Variants in STXBP4 observed in about 807,000 individuals in gnomAD.
The protein encoded by STXBP4 is syntaxin binding protein 4, also known as syntaxin-binding protein 4.
Under a neutral mutation model 76.1 loss-of-function variants are expected in STXBP4, and 55 were observed. The ratio of observed to expected loss-of-function variants is 0.72; its 90% CI spans 0.58 to 0.91. The LOEUF (loss-of-function observed/expected upper bound fraction) is 0.91. Among genes scored for constraint, STXBP4 ranks in the 40% least tolerant of loss-of-function variants. The pLI is 0.00. For synonymous variants in STXBP4, 201 were observed against 220.2 expected, an observed-to-expected ratio of 0.91 and a Z score of 0.77; for missense variants, 618 against 636.9, an observed-to-expected ratio of 0.97 and a Z score of 0.32.
rs535905113 is a variant in STXBP4 at position 55,058,152 on chromosome 17, C to T, written c.1011+10998C>T. Among the ~76,000 whole-genome samples the T allele has an allele frequency of 9.8e-5, 15 of 152,306 alleles. 1 individual carries two copies. Among genetic ancestry groups the T allele is most frequent in the Middle Eastern group, 6.8e-3 (2 of 294 alleles). Reference sequence around the variant, plus strand: ...CACACTGTCTTCCACAATGGTTGAACTAATTTACACTCCCACCAACAGCGT... The same window carrying T: ...CACACTGTCTTCCACAATGGTTGAATTAATTTACACTCCCACCAACAGCGT... On this transcript the variant is annotated intron_variant, in intron 12 of 17. Coordinates refer to ENST00000376352, the MANE Select transcript of STXBP4 (RefSeq NM_178509.6).
rs146224072 is a variant in STXBP4, at chr17:55,156,608, G to A, written c.1548-3189G>A. On this transcript the variant is annotated intron_variant, in intron 17 of 17. Coordinates refer to ENST00000376352, the MANE Select transcript of STXBP4 (RefSeq NM_178509.6). The stretch of plus-strand genomic sequence containing the variant: ...GCACTGTGTCCCATTGGTTCTGGAC[G>A]TTTTAAACAAAGACCCAGGTCTGAA... 3.9e-3 allele frequency among the ~76,000 whole-genome samples: 599 copies of A among 152,280 alleles called. 1 individual carries two copies. Among genetic ancestry groups the A allele is most frequent in the African/African-American group, 0.013 (552 of 41,556 alleles).
chr17:55,002,499 G>A (rs1208559105), intron 7 of STXBP4, among the ~76,000 whole-genome samples: 3 of 152,160 alleles, frequency 2.0e-5, no homozygotes, highest in Non-Finnish European at 2.9e-5. Flanking sequence ...GTTTATAGAT[G>A]TGTGTGTATG....
chr17:55,158,387 A>C (rs542316490), intron 17 of STXBP4, among the ~76,000 whole-genome samples: 1 of 152,198 alleles, frequency 6.6e-6, no homozygotes, highest in Non-Finnish European at 1.5e-5. Context: ...GCTGCTTCTG[A>C]GGTTGAGTTT....
At chr17:55,141,693 C>T (rs926298797) in intron 17 of STXBP4, among the ~76,000 whole-genome samples, 3 of 152,038 alleles carry the variant, frequency 2.0e-5, no homozygotes, top group Admixed American at 6.6e-5. Flanking sequence ...CAAAAAAATC[C>T]GTTTTGTATA....
At chr17:54,971,469 T>C (rs1322756088) in intron 1 of STXBP4, among the ~76,000 whole-genome samples, 2 of 152,192 alleles carry the variant, frequency 1.3e-5, no homozygotes, top group Non-Finnish European at 2.9e-5. Context: ...AGCTCTTATG[T>C]CTCTTATAAG....
rs1473771358 is a variant in STXBP4 at position 55,168,114 on chromosome 17, A to G, written c.*8203A>G. The G allele has an allele frequency of 1.9e-5, 1 of 51,350 alleles. No individual in the cohort carries two copies. Among genetic ancestry groups the G allele is most frequent in the Non-Finnish European group, 4.3e-5 (1 of 23,384 alleles). The allele number at this position is 51,350 out of a possible 1,614,324, so 3.2% of individuals were successfully genotyped here. A position where few individuals can be genotyped will look rare whatever the true frequency, so the allele number is the denominator to read the frequency against. On this transcript the variant is annotated 3_prime_UTR_variant, in exon 18 of 18. Coordinates refer to ENST00000376352, the MANE Select transcript of STXBP4 (RefSeq NM_178509.6). ...AGTTGGCACCAAATTAAATGCATGG[A>G]TTACTTCTCTGATAAAAGTACTCGA...
intron 15 of STXBP4, among the ~76,000 whole-genome samples, chr17:55,080,574 T>C (rs958502684): frequency 1.3e-5 from 2 of 152,134 alleles, no homozygotes; most frequent in Non-Finnish European, 2.9e-5. Context: ...TAGGCTGTTT[T>C]TGATTCGAGG....
chr17:55,189,804 T>A, the STXBP4 span, among the ~76,000 whole-genome samples: 1 of 152,316 alleles, frequency 6.6e-6, no homozygotes, highest in South Asian at 2.1e-4. Context: ...CCAGGTGGTG[T>A]GATTCAGTGG....
rs532859589 is a variant in STXBP4 at position 55,084,980 on chromosome 17, C to G, written c.1489+3797C>G. On this transcript the variant is annotated intron_variant, in intron 16 of 17. Transcript: ENST00000376352. Reference sequence around the variant, plus strand: ...AACCCAAATGTCCAACAATGATAGACTGGATTAAGAAAATGTGGCACATAC... The same window carrying G: ...AACCCAAATGTCCAACAATGATAGAGTGGATTAAGAAAATGTGGCACATAC... 3.1e-3 allele frequency among the ~76,000 whole-genome samples: 479 copies of G among 152,196 alleles called. 12 individuals are homozygous for G. Among genetic ancestry groups the G allele is most frequent in the East Asian group, 0.025 (131 of 5,186 alleles).
chr17:55,132,285 G>C (rs2079981446), intron 16 of STXBP4, among the ~76,000 whole-genome samples: 2 of 152,086 alleles, frequency 1.3e-5, no homozygotes, highest in Admixed American at 6.6e-5. Flanking sequence ...TCTGCCTCGG[G>C]GTTCAAGCAG....
chr17:55,123,163 G>C lies in STXBP4; in HGVS notation c.1490-18147G>C, dbSNP rs185659439. ...ACCCCAAGATCTAACCTAGTAGTTA[G>C]ATAAGTTCTTGCCAAAGTACTTTTC... On this transcript the variant is annotated intron_variant, in intron 16 of 17. Coordinates refer to ENST00000376352, the MANE Select transcript of STXBP4 (RefSeq NM_178509.6). Among the ~76,000 whole-genome samples the C allele has an allele frequency of 5.7e-4, 86 of 152,212 alleles. 1 individual carries two copies. The highest frequency in any genetic ancestry group is 2.0e-3 in the African/African-American group (85 of 41,544).
At chr17:55,113,806 T>G (rs2079750722) in intron 16 of STXBP4, among the ~76,000 whole-genome samples, 3 of 152,104 alleles carry the variant, frequency 2.0e-5, no homozygotes, top group Non-Finnish European at 4.4e-5. Context: ...GTTGTTTGTT[T>G]GTTTGGGTTT....
At position 55,115,672 on chromosome 17, in the gene STXBP4, C is replaced by G. The variant is rs1053216686; in HGVS notation, c.1490-25638C>G. 2.0e-5 allele frequency among the ~76,000 whole-genome samples: 3 copies of G among 151,796 alleles called. No homozygotes were observed. In the East Asian group the frequency reaches 5.8e-4, roughly 29 times the overall value. On this transcript the variant is annotated intron_variant, in intron 16 of 17. Coordinates refer to ENST00000376352, the MANE Select transcript of STXBP4 (RefSeq NM_178509.6). ...TGATACAATTACTGCAAAAAGTTTA[C>G]TTGCATATTTTAATCTGTAACCCAA...
intron 1 of STXBP4, among the ~76,000 whole-genome samples, chr17:54,977,938 G>C (rs572304769): frequency 8.5e-5 from 13 of 152,230 alleles, no homozygotes; most frequent in African/African-American, 3.1e-4. Flanking sequence ...TATTTACTGA[G>C]CAGCCAACAT....
intron 16 of STXBP4, among the ~76,000 whole-genome samples, chr17:55,116,445 A>C (rs1248769339): frequency 6.6e-6 from 1 of 151,742 alleles, no homozygotes; most frequent in East Asian, 1.9e-4. Context: ...AAATTTCCCC[A>C]TTGTAACTCT....
rs965531698 is a variant in STXBP4 at position 55,104,676 on chromosome 17, T to G, written c.1489+23493T>G. Among the ~76,000 whole-genome samples, 5 of 152,294 alleles carry G rather than the reference T, an allele frequency of 3.3e-5. No homozygotes were observed. In the South Asian group the frequency reaches 8.3e-4, roughly 25 times the overall value. On this transcript the variant is annotated intron_variant, in intron 16 of 17. Transcript: ENST00000376352. The stretch of plus-strand genomic sequence containing the variant: ...TAGGGAGGAGTCCCTCTTTTTCTTT[T>G]GTTTGGGAAAGTTTCAGAAGGAATG...
rs184086797 is a variant in STXBP4 at position 55,052,952 on chromosome 17, G to T, written c.1011+5798G>T. Among the ~76,000 whole-genome samples, 700 of 126,988 alleles carry T rather than the reference G, an allele frequency of 5.5e-3. 7 individuals are homozygous for T. The highest frequency in any genetic ancestry group is 0.02 in the African/African-American group (651 of 32,088). The allele number at this position is 126,988 out of a possible 152,430, so 83.3% of individuals were successfully genotyped here. A position where few individuals can be genotyped will look rare whatever the true frequency, so the allele number is the denominator to read the frequency against. On this transcript the variant is annotated intron_variant, in intron 12 of 17. Coordinates refer to ENST00000376352, the MANE Select transcript of STXBP4 (RefSeq NM_178509.6). ...GTGTGTGTGTGTGTGTGTGTGTGTGGGTTGTATTCTTTAGAAATGTCAATG... is the reference window on the plus strand; with the variant it reads ...GTGTGTGTGTGTGTGTGTGTGTGTGTGTTGTATTCTTTAGAAATGTCAATG...
At chr17:55,158,927 A>G (rs2080309619) in intron 17 of STXBP4, among the ~76,000 whole-genome samples, 1 of 152,228 alleles carries the variant, frequency 6.6e-6, no homozygotes, top group Non-Finnish European at 1.5e-5. Flanking sequence ...TTAACTTCTC[A>G]TGGGAAAGGA....
At chr17:55,024,933 C>G (rs757033736) in intron 8 of STXBP4, among the ~76,000 whole-genome samples, 2 of 151,798 alleles carry the variant, frequency 1.3e-5, no homozygotes, top group African/African-American at 4.8e-5. Flanking sequence ...GTCAGGAGAT[C>G]GAAACCATCC....
Sources: gnomAD v4.1 joint callset for allele counts (sites outside exome capture counted in the v4.1 genomes callset) on GRCh38, gnomAD v4.1.1 for gene constraint, MANE v1.5 for transcripts, NCBI Gene and HGNC (gene_info 2026-07-23, HGNC 2026-07-21) for gene names.